The following CACNA2D3 variants were observed in gnomAD, a reference collection of about 807,000 sequenced individuals.
CACNA2D3 encodes calcium voltage-gated channel auxiliary subunit alpha2delta 3.
In CACNA2D3, 60 loss-of-function variants were observed where a neutral mutation model predicts 160.6. The ratio of observed to expected loss-of-function variants is 0.37; its 90% confidence interval spans 0.30 to 0.46. CACNA2D3 has a LOEUF of 0.46. Ranked by LOEUF, CACNA2D3 falls within the 20% of genes least tolerant of loss-of-function variation. The pLI is 1.00. For synonymous variants in CACNA2D3, 558 were observed against 492.9 expected (o/e 1.13, Z -1.75); for missense variants, 1,205 against 1,365.0 (o/e 0.88, Z 1.85).
chr3:55,074,402 T>C lies in CACNA2D3; in HGVS notation c.*196T>C. On this transcript the variant is annotated 3_prime_UTR_variant, in exon 38 of 38. Transcript: ENST00000474759. ...GACAAAAAGTTATCTATCATCTTTT[T>C]ACTTTGCCAGTCATGCAAATGTGAG... 1 of 573,182 alleles carries C rather than the reference T, an allele frequency of 1.7e-6. No individual in the cohort carries two copies. The highest frequency in any genetic ancestry group is 2.1e-5 in the South Asian group (1 of 46,918). 35.5% of individuals were successfully genotyped at this position (573,182 alleles called of 1,614,324 possible).
chr3:54,843,801 AT>A (rs1176073568), intron 16 of CACNA2D3, among the ~76,000 whole-genome samples: 3 of 152,214 alleles, frequency 2.0e-5, no homozygotes, highest in Non-Finnish European at 2.9e-5. Context: ...GGAGAAAAAC[AT>A]TAGTAGGATT....
chr3:54,821,634 GTCTTTCGTTCTTTCTT>G (rs1320323076), intron 14 of CACNA2D3, among the ~76,000 whole-genome samples: 5 of 140,396 alleles, frequency 3.6e-5, no homozygotes, highest in African/African-American at 1.0e-4. Flanking sequence ...TTTTTCTAGA[GTCTTTCGTTCTTTCTT>G]TCTTTCTTTC....
intron 34 of CACNA2D3, among the ~76,000 whole-genome samples, chr3:55,017,402 T>A (rs1347107923): frequency 1.3e-5 from 2 of 152,202 alleles, no homozygotes; most frequent in Non-Finnish European, 2.9e-5. Flanking sequence ...AATGGCTTCA[T>A]TAGAATGCTA....
At chr3:54,327,081 C>T (rs989325890) in intron 3 of CACNA2D3, among the ~76,000 whole-genome samples, 1 of 152,092 alleles carries the variant, frequency 6.6e-6, no homozygotes, top group Non-Finnish European at 1.5e-5. Flanking sequence ...GTCAGTGAAC[C>T]ATCTTTGGTT....
In CACNA2D3 at chr3:55,064,007, T is replaced by A. The variant is rs76929777; in HGVS notation, c.2988-9438T>A. Among the ~76,000 whole-genome samples, 1,349 of 152,360 alleles carry A rather than the reference T, an allele frequency of 8.9e-3. 22 individuals are homozygous for A. The highest frequency in any genetic ancestry group is 0.031 in the African/African-American group (1,271 of 41,586). The stretch of plus-strand genomic sequence containing the variant: ...TGTGGTCTCTCTTGACTGTTCATGA[T>A]TTTTTTATTTGCCATTTTAATATTG... On this transcript the variant is annotated intron_variant, in intron 35 of 37. Coordinates refer to ENST00000474759, the MANE Select transcript of CACNA2D3 (RefSeq NM_018398.3).
At chr3:54,626,435 T>C in intron 9 of CACNA2D3, 1 of 1,590,708 alleles carries the variant, frequency 6.3e-7, no homozygotes, top group South Asian at 1.1e-5. Flanking sequence ...AAGCCGGAAG[T>C]GGTGAAGACG....
chr3:55,070,171 A>C lies in CACNA2D3; in HGVS notation c.2988-3274A>C, dbSNP rs760194148. 9.1e-4 allele frequency among the ~76,000 whole-genome samples: 139 copies of C among 152,242 alleles called. 1 individual carries two copies. The highest frequency in any genetic ancestry group is 3.9e-3 in the Admixed American group (59 of 15,294). On this transcript the variant is annotated intron_variant, in intron 35 of 37. Coordinates refer to ENST00000474759, the MANE Select transcript of CACNA2D3 (RefSeq NM_018398.3). The stretch of plus-strand genomic sequence containing the variant: ...GCCTTGGAAACTACAGTCTTTTATG[A>C]GGGGCAGACAGTAAACAAGCAAGGA...
At chr3:54,159,511 T>A (rs894286369) in intron 2 of CACNA2D3, among the ~76,000 whole-genome samples, 1 of 152,204 alleles carries the variant, frequency 6.6e-6, no homozygotes, top group South Asian at 2.1e-4. Flanking sequence ...GTATATCCTG[T>A]GGTAGAAGAG....
At chr3:54,159,906 A>G (rs908294957) in intron 2 of CACNA2D3, among the ~76,000 whole-genome samples, 2 of 152,224 alleles carry the variant, frequency 1.3e-5, no homozygotes, top group Non-Finnish European at 2.9e-5. Context: ...AGTATCGTTT[A>G]TATAGCAAAC....
At chr3:54,937,744 C>T (rs945646177) in intron 27 of CACNA2D3, among the ~76,000 whole-genome samples, 1 of 151,882 alleles carries the variant, frequency 6.6e-6, no homozygotes, top group African/African-American at 2.4e-5. Context: ...GAGGGCCATT[C>T]CAGGTAAAGG....
chr3:54,441,172 T>C (rs1303907312), intron 4 of CACNA2D3, among the ~76,000 whole-genome samples: 6 of 152,210 alleles, frequency 3.9e-5, no homozygotes, highest in South Asian at 2.1e-4. Context: ...CTTTAATGAT[T>C]GCCATTCTAA....
At chr3:54,363,469 G>C (rs1342626219) in intron 3 of CACNA2D3, among the ~76,000 whole-genome samples, 1 of 152,088 alleles carries the variant, frequency 6.6e-6, no homozygotes, top group African/African-American at 2.4e-5. Context: ...GGCCTCCTGG[G>C]TTAAAATAAT....
chr3:54,872,808 C>T (rs1421183509), intron 18 of CACNA2D3, among the ~76,000 whole-genome samples: 2 of 152,190 alleles, frequency 1.3e-5, no homozygotes, highest in African/African-American at 4.8e-5. Context: ...GCTCCTTCCT[C>T]CTCCATACCC....
At chr3:54,363,905 C>T (rs753516729) in intron 3 of CACNA2D3, among the ~76,000 whole-genome samples, 2 of 152,210 alleles carry the variant, frequency 1.3e-5, no homozygotes, top group Non-Finnish European at 2.9e-5. Context: ...CCTCTGTGCA[C>T]CACCATCACC....
In CACNA2D3 at chr3:54,677,609, TG is replaced by T. The variant is rs1440902914; in HGVS notation, c.1167+35369del. ...AAAACAATGATATTTGAATAGTTTTTGTTTTTTTTTTGGGGGGGGGGCAACG... is the reference window on the plus strand; with the variant it reads ...AAAACAATGATATTTGAATAGTTTTTTTTTTTTTTTGGGGGGGGGGCAACG... On this transcript the variant is annotated intron_variant, in intron 11 of 37. Transcript: ENST00000474759. 2.2e-3 allele frequency among the ~76,000 whole-genome samples: 300 copies of T among 134,276 alleles called. 1 individual carries two copies. The highest frequency in any genetic ancestry group is 8.1e-3 in the African/African-American group (277 of 34,298). The allele number at this position is 134,276 out of a possible 152,430, so 88.1% of individuals were successfully genotyped here. A position where few individuals can be genotyped will look rare whatever the true frequency, so the allele number is the denominator to read the frequency against.
intron 5 of CACNA2D3, among the ~76,000 whole-genome samples, chr3:54,540,031 A>T (rs973400528): frequency 3.3e-5 from 5 of 152,156 alleles, no homozygotes; most frequent in African/African-American, 9.7e-5. Flanking sequence ...CTTGGAAGAG[A>T]TAAGCTGTTG....
At chr3:54,317,856 A>G (rs781116145) in intron 2 of CACNA2D3, among the ~76,000 whole-genome samples, 9 of 152,118 alleles carry the variant, frequency 5.9e-5, no homozygotes, top group Non-Finnish European at 1.5e-5. Flanking sequence ...CGCTTTTATA[A>G]CACACGCAGT....
intron 4 of CACNA2D3, among the ~76,000 whole-genome samples, chr3:54,472,845 C>T (rs1437579201): frequency 6.6e-6 from 1 of 152,156 alleles, no homozygotes; most frequent in East Asian, 1.9e-4. Context: ...TGAAAGACCT[C>T]TTCAAGGAGA....
At chr3:54,318,924 G>C (rs1362190663) in intron 2 of CACNA2D3, among the ~76,000 whole-genome samples, 3 of 152,054 alleles carry the variant, frequency 2.0e-5, no homozygotes, top group African/African-American at 7.2e-5. Context: ...GGCTAAGAGA[G>C]GGGTATCTTG....
Sources: allele counts gnomAD v4.1 joint callset (sites outside exome capture counted in the v4.1 genomes callset), GRCh38; gene constraint gnomAD v4.1.1; transcripts MANE v1.5; gene names NCBI Gene and HGNC (gene_info 2026-07-23, HGNC 2026-07-21).